Variants in TNFRSF9 observed in about 807,000 individuals in gnomAD.
TNFRSF9 encodes tumor necrosis factor receptor superfamily member 9.
In TNFRSF9, 16 loss-of-function variants were observed where a neutral mutation model predicts 28.8. That is an observed-to-expected ratio of 0.55 (90% CI 0.38 to 0.84). The LOEUF (loss-of-function observed/expected upper bound fraction) is 0.84, where lower values mean the gene tolerates loss of function less well. Among genes scored for constraint, TNFRSF9 ranks in the 40% least tolerant of loss-of-function variants. TNFRSF9 has a pLI of 0.00. For synonymous variants in TNFRSF9, 131 were observed against 117.0 expected, an observed-to-expected ratio of 1.12 and a Z score of -0.77; for missense variants, 303 against 315.0, an observed-to-expected ratio of 0.96 and a Z score of 0.29.
At position 7,924,081 on chromosome 1, in the gene TNFRSF9, G is replaced by A. The variant is rs55872515; in HGVS notation, c.680-3158C>T. 4.7e-3 allele frequency among the ~76,000 whole-genome samples: 718 copies of A among 152,016 alleles called. 5 individuals are homozygous for A. Among genetic ancestry groups the A allele is most frequent in the African/African-American group, 0.016 (682 of 41,460 alleles). On this transcript the variant is annotated intron_variant, in intron 7 of 7. Transcript: ENST00000377507. ...GGAGCTGAAAAGTTCCTATTGCCTC[G>A]TGATGTCCAACCATCATAACATTGC...
chr1:7,940,129 A>G (rs1639881116), intron 1 of TNFRSF9, 51 bp from the exon 2 acceptor site: 1 of 591,498 alleles, frequency 1.7e-6, no homozygotes, highest in South Asian at 2.4e-5. Context: ...TTTCAAAATT[A>G]TCTATATTGC....
chr1:7,921,390 G>T (rs982974510), intron 7 of TNFRSF9, among the ~76,000 whole-genome samples: 48 of 136,416 alleles, frequency 3.5e-4, no homozygotes, highest in African/African-American at 1.2e-3. Flanking sequence ...AAAACAGGCC[G>T]GGCGCAGTGG....
intron 7 of TNFRSF9, 65 bp downstream of exon 7, chr1:7,933,097 A>T: frequency 6.6e-7 from 1 of 1,525,758 alleles, no homozygotes; most frequent in Non-Finnish European, 8.8e-7. Context: ...TTAAAATCAT[A>T]TTTTCCTTTC....
At chr1:7,935,417 A>G (rs1174070725) in intron 5 of TNFRSF9, among the ~76,000 whole-genome samples, 1 of 152,166 alleles carries the variant, frequency 6.6e-6, no homozygotes, top group Admixed American at 6.5e-5. Flanking sequence ...GGACTTGACC[A>G]TCTCCGGCAC....
In TNFRSF9 at chr1:7,939,881, A is replaced by G; in HGVS notation, c.100+14T>C. 1 of 1,582,804 alleles carries G rather than the reference A, an allele frequency of 6.3e-7. No homozygotes were observed. The highest frequency in any genetic ancestry group is 8.7e-7 in the Non-Finnish European group (1 of 1,154,762). On this transcript the variant is annotated intron_variant, in intron 2 of 7. Coordinates refer to ENST00000377507, the MANE Select transcript of TNFRSF9 (RefSeq NM_001561.6). ...ACAGAGCAGATCAAATGCACATGAT[A>G]ACTGGGTACTCACCAGCTGGGCAGT...
chr1:7,935,107 C>G lies in TNFRSF9; in HGVS notation c.450G>C (p.Gly150=). 3 of 1,614,220 alleles carry G rather than the reference C, an allele frequency of 1.9e-6. 1 individual carries two copies. The South Asian group carries it at 3.3e-5, about 18-fold the overall frequency. The part of the protein sequence containing the change: ...SLDGKSVLVN[G]TKERDVVCGP... Reference sequence around the variant, plus strand: ...CACAGACCACGTCCCTCTCCTTCGTCCCATTCACAAGCACAGACTTTCCAT... The same window carrying G: ...CACAGACCACGTCCCTCTCCTTCGTGCCATTCACAAGCACAGACTTTCCAT... Residue 150 remains glycine, a synonymous_variant, in exon 6 of 8, where the codon GGG becomes GGC. Transcript: ENST00000377507.
At chr1:7,925,859 A>G (rs1639644494) in intron 7 of TNFRSF9, among the ~76,000 whole-genome samples, 1 of 152,120 alleles carries the variant, frequency 6.6e-6, no homozygotes, top group African/African-American at 2.4e-5. Flanking sequence ...AGGGGCTATA[A>G]ATACAGAGGA....
rs1260351287 is a variant in TNFRSF9 at position 7,934,534 on chromosome 1, C to T, written c.544+479G>A. 2.0e-5 allele frequency among the ~76,000 whole-genome samples: 3 copies of T among 151,826 alleles called. No homozygotes were observed. In the East Asian group the frequency reaches 5.8e-4, roughly 29 times the overall value. On this transcript the variant is annotated intron_variant, in intron 6 of 7. Coordinates refer to ENST00000377507, the MANE Select transcript of TNFRSF9 (RefSeq NM_001561.6). ...GACCAGACTGGCCAGCATGGTGAAA[C>T]CTCATCTCTACTAAAAATACAAAAA...
chr1:7,927,388 C>T (rs949416798), intron 7 of TNFRSF9, among the ~76,000 whole-genome samples: 6 of 152,268 alleles, frequency 3.9e-5, no homozygotes, highest in African/African-American at 9.6e-5. Flanking sequence ...CTAATAAATA[C>T]GGAGGGCTGT....
rs576488547 is a variant in TNFRSF9 at position 7,928,086 on chromosome 1, T to G, written c.679+5076A>C. Among the ~76,000 whole-genome samples the G allele has an allele frequency of 1.6e-4, 25 of 152,262 alleles. No homozygotes were observed. The South Asian group carries it at 5.2e-3, about 32-fold the overall frequency. ...AAAAGATGTCCACCCATAAGGGAAG[T>G]GCAAATTAAAGCCCCAATGAGATGT... On this transcript the variant is annotated intron_variant, in intron 7 of 7. Coordinates refer to ENST00000377507, the MANE Select transcript of TNFRSF9 (RefSeq NM_001561.6).
intron 3 of TNFRSF9, 38 bp downstream of exon 3, chr1:7,938,683 C>T: frequency 2.7e-6 from 4 of 1,476,554 alleles, no homozygotes; most frequent in Non-Finnish European, 2.8e-6. Flanking sequence ...ATCTTCCCAA[C>T]TATCTTCTAG....
chr1:7,931,733 G>A (rs1406560890), intron 7 of TNFRSF9, among the ~76,000 whole-genome samples: 2 of 152,176 alleles, frequency 1.3e-5, no homozygotes, highest in African/African-American at 4.8e-5. Flanking sequence ...TTGAATGTTT[G>A]TTTACAACAA....
At chr1:7,926,858 G>A (rs1001457527) in intron 7 of TNFRSF9, among the ~76,000 whole-genome samples, 3 of 152,138 alleles carry the variant, frequency 2.0e-5, no homozygotes, top group African/African-American at 7.2e-5. Flanking sequence ...GCAATTGGAC[G>A]TCCATAGTCC....
At chr1:7,927,470 TC>T (rs766659180) in intron 7 of TNFRSF9, among the ~76,000 whole-genome samples, 3 of 152,248 alleles carry the variant, frequency 2.0e-5, no homozygotes, top group Non-Finnish European at 4.4e-5. Context: ...TACTCTTTTG[TC>T]TCGTCTTTTA....
At chr1:7,922,587 A>C (rs1392933683) in intron 7 of TNFRSF9, among the ~76,000 whole-genome samples, 1 of 152,178 alleles carries the variant, frequency 6.6e-6, no homozygotes, top group African/African-American at 2.4e-5. Flanking sequence ...CAAAGCAAGC[A>C]GATCATCTGA....
intron 7 of TNFRSF9, among the ~76,000 whole-genome samples, chr1:7,932,951 T>C (rs975888094): frequency 6.6e-6 from 1 of 152,140 alleles, no homozygotes; most frequent in Non-Finnish European, 1.5e-5. Flanking sequence ...CTAGATGCAA[T>C]AGCCCCTAAT....
At chr1:7,921,836 AAAGCATGAATCTT>A (rs1639564949) in intron 7 of TNFRSF9, 1 of 152,206 alleles carries the variant, frequency 6.6e-6, no homozygotes. Flanking sequence ...ATTAGCTAAA[AAAGCATGAATCTT>A]AAGCATGAAT....
chr1:7,932,816 G>T (rs1178499871), intron 7 of TNFRSF9, among the ~76,000 whole-genome samples: 1 of 152,014 alleles, frequency 6.6e-6, no homozygotes, highest in Admixed American at 6.6e-5. Flanking sequence ...TAGAACCGAG[G>T]TGTGCTCTTC....
chr1:7,924,379 C>A (rs2151412730), intron 7 of TNFRSF9, among the ~76,000 whole-genome samples: 1 of 149,184 alleles, frequency 6.7e-6, no homozygotes, highest in East Asian at 1.9e-4. Context: ...GTAATCCCAG[C>A]ACTTTGGGAG....
Sources: allele counts gnomAD v4.1 joint callset (sites outside exome capture counted in the v4.1 genomes callset), GRCh38; gene constraint gnomAD v4.1.1; transcripts MANE v1.5; gene names NCBI Gene and HGNC (gene_info 2026-07-23, HGNC 2026-07-21).